PDE1C: variants seen among roughly 807,000 people sequenced by gnomAD.
PDE1C encodes phosphodiesterase 1C.
In PDE1C, 62 loss-of-function variants were observed where a neutral mutation model predicts 93.1. That is an observed-to-expected ratio of 0.67 (90% CI 0.54 to 0.82). PDE1C has a LOEUF of 0.82. PDE1C is among the 40% of genes least tolerant of loss of function. The probability of loss-of-function intolerance (pLI) is 0.00; values close to 1 mark genes in which losing one functional copy is unlikely to be tolerated. For synonymous variants in PDE1C, 325 were observed against 310.1 expected (o/e 1.05, Z -0.50); for missense variants, 742 against 884.6 (o/e 0.84, Z 2.04).
At chr7:32,157,555 T>C (rs1175430761) in intron 3 of PDE1C, among the ~76,000 whole-genome samples, 3 of 82,714 alleles carry the variant, frequency 3.6e-5, no homozygotes, top group Non-Finnish European at 5.3e-5. Flanking sequence ...AGCCAAAAAA[T>C]ATGGCTGTTA....
chr7:32,188,921 A>G (rs1410347294), intron 2 of PDE1C, among the ~76,000 whole-genome samples: 2 of 152,324 alleles, frequency 1.3e-5, no homozygotes, highest in East Asian at 3.9e-4. Context: ...AGAATCAAGA[A>G]TAAGACTAAC....
At chr7:31,674,898 A>G in the PDE1C span, among the ~76,000 whole-genome samples, 1 of 152,300 alleles carries the variant, frequency 6.6e-6, no homozygotes, top group East Asian at 1.9e-4. Context: ...AAAAATCTCA[A>G]AACTCAAACA....
At chr7:32,147,462 C>T (rs1800965604) in intron 3 of PDE1C, among the ~76,000 whole-genome samples, 1 of 152,156 alleles carries the variant, frequency 6.6e-6, no homozygotes, top group South Asian at 2.1e-4. Flanking sequence ...CACATACACA[C>T]ATTAATTATG....
intron 16 of PDE1C, among the ~76,000 whole-genome samples, chr7:31,777,003 A>G (rs1271674791): frequency 2.4e-4 from 19 of 79,840 alleles, no homozygotes; most frequent in Non-Finnish European, 3.1e-4. Context: ...GGGTGGGGGG[A>G]GGGGGGAGGG....
At chr7:31,972,534 G>A (rs1332745067) in intron 2 of PDE1C, among the ~76,000 whole-genome samples, 2 of 152,118 alleles carry the variant, frequency 1.3e-5, no homozygotes. Flanking sequence ...ACAATTCTGA[G>A]GGCTCGGTTC....
chr7:32,390,598 G>A (rs1784732236), intron 1 of PDE1C, among the ~76,000 whole-genome samples: 1 of 149,498 alleles, frequency 6.7e-6, no homozygotes, highest in African/African-American at 2.5e-5. Flanking sequence ...TATAATCCCA[G>A]CACTTTAGGA....
chr7:31,758,154 G>T (rs1052520053), intron 17 of PDE1C, among the ~76,000 whole-genome samples: 1 of 152,092 alleles, frequency 6.6e-6, no homozygotes, highest in African/African-American at 2.4e-5. Context: ...TCATGGGGTG[G>T]GGGGAGGCAG....
At chr7:31,925,025 A>G (rs912262400) in intron 2 of PDE1C, among the ~76,000 whole-genome samples, 2 of 149,940 alleles carry the variant, frequency 1.3e-5, no homozygotes, top group Admixed American at 1.3e-4. Flanking sequence ...TGAAGGAGCT[A>G]AAAGTAGACA....
At chr7:32,392,596 C>A (rs1784771056) in intron 1 of PDE1C, among the ~76,000 whole-genome samples, 1 of 151,952 alleles carries the variant, frequency 6.6e-6, no homozygotes, top group African/African-American at 2.4e-5. Flanking sequence ...GCCTTACAAC[C>A]CAGTGAGATT....
intron 3 of PDE1C, among the ~76,000 whole-genome samples, chr7:32,114,206 A>G (rs955893918): frequency 3.9e-5 from 6 of 152,202 alleles, no homozygotes; most frequent in African/African-American, 1.2e-4. Flanking sequence ...GCATCATGCT[A>G]CCTGACTTCA....
At chr7:31,885,244 A>G (rs1797730818) in intron 2 of PDE1C, among the ~76,000 whole-genome samples, 1 of 152,226 alleles carries the variant, frequency 6.6e-6, no homozygotes. Flanking sequence ...AATAATATTA[A>G]TAAGATTTCT....
intron 2 of PDE1C, among the ~76,000 whole-genome samples, chr7:31,996,898 T>C (rs1784794239): frequency 6.6e-6 from 1 of 152,094 alleles, no homozygotes; most frequent in Non-Finnish European, 1.5e-5. Context: ...ATATCAGAGA[T>C]GAGAATTACT....
At chr7:31,995,958 A>G (rs567931004) in intron 2 of PDE1C, among the ~76,000 whole-genome samples, 27 of 152,016 alleles carry the variant, frequency 1.8e-4, no homozygotes, top group Non-Finnish European at 3.2e-4. Flanking sequence ...GGAGCCAAAA[A>G]GCATAGGTTT....
At chr7:31,896,440 G>A (rs1381294833) in intron 2 of PDE1C, among the ~76,000 whole-genome samples, 2 of 152,114 alleles carry the variant, frequency 1.3e-5, no homozygotes, top group Admixed American at 6.5e-5. Context: ...ACTTGGTAAG[G>A]ATTTATTCCC....
chr7:32,155,849 T>C (rs1801538843), intron 3 of PDE1C, among the ~76,000 whole-genome samples: 2 of 152,166 alleles, frequency 1.3e-5, no homozygotes, highest in East Asian at 1.9e-4. Context: ...CAGAGCTCAG[T>C]GTTCCCACTA....
chr7:31,722,723 G>A, the PDE1C span, among the ~76,000 whole-genome samples: 1 of 152,196 alleles, frequency 6.6e-6, no homozygotes, highest in African/African-American at 2.4e-5. Context: ...AACCGCCTAG[G>A]AAGGATCAAG....
chr7:32,081,615 T>A (rs1796666128), intron 3 of PDE1C, among the ~76,000 whole-genome samples: 1 of 152,240 alleles, frequency 6.6e-6, no homozygotes, highest in African/African-American at 2.4e-5. Flanking sequence ...ATGCTGCTAT[T>A]ACCTGGGACT....
chr7:32,393,976 C>T (rs1002325525), intron 1 of PDE1C, among the ~76,000 whole-genome samples: 10 of 152,164 alleles, frequency 6.6e-5, no homozygotes, highest in African/African-American at 2.4e-4. Flanking sequence ...AAATGTATAC[C>T]CTTCATGCTT....
intron 6 of PDE1C, among the ~76,000 whole-genome samples, chr7:31,868,178 T>C (rs1246880823): frequency 6.6e-6 from 1 of 152,192 alleles, no homozygotes; most frequent in Non-Finnish European, 1.5e-5. Context: ...GATTGACTAA[T>C]TACCCAGCAA....
Sources: allele counts gnomAD v4.1 joint callset (sites outside exome capture counted in the v4.1 genomes callset), GRCh38; gene constraint gnomAD v4.1.1; transcripts MANE v1.5; gene names NCBI Gene and HGNC (gene_info 2026-07-23, HGNC 2026-07-21).